The following CNTNAP3B variants were observed in gnomAD, a reference collection of about 807,000 sequenced individuals.
CNTNAP3B encodes the protein contactin associated protein family member 3B.
In CNTNAP3B, 25 loss-of-function variants were observed where a neutral mutation model predicts 108.9. The ratio of observed to expected loss-of-function variants is 0.23; its 90% CI spans 0.17 to 0.32. The LOEUF is 0.32. Ranked by LOEUF, CNTNAP3B falls within the 10% of genes least tolerant of loss-of-function variation. The pLI, the probability that CNTNAP3B is intolerant of heterozygous loss-of-function variation, is 1.00. For synonymous variants in CNTNAP3B, 103 were observed against 473.4 expected, an observed-to-expected ratio of 0.22 and a Z score of 10.16; for missense variants, 252 against 1,210.4, an observed-to-expected ratio of 0.21 and a Z score of 11.75.
intron 1 of CNTNAP3B, among the ~76,000 whole-genome samples, chr9:42,116,807 C>T (rs1439347153): frequency 1.5e-5 from 2 of 136,190 alleles, no homozygotes; most frequent in African/African-American, 3.0e-5. Flanking sequence ...CACATAGGCT[C>T]AAAATAAAGG....
intron 2 of CNTNAP3B, among the ~76,000 whole-genome samples, chr9:42,078,416 C>A (rs1827535913): frequency 7.2e-6 from 1 of 139,372 alleles, no homozygotes. Context: ...AATATTTTTT[C>A]CTCTGAATGT....
At chr9:42,115,128 C>T (rs558458573) in intron 1 of CNTNAP3B, among the ~76,000 whole-genome samples, 1 of 137,742 alleles carries the variant, frequency 7.3e-6, no homozygotes, top group Non-Finnish European at 1.5e-5. Flanking sequence ...GAGTTAAAGC[C>T]CAGAACACAT....
chr9:42,122,024 T>C (rs1439281767), intron 1 of CNTNAP3B, among the ~76,000 whole-genome samples: 2 of 139,982 alleles, frequency 1.4e-5, no homozygotes, highest in Admixed American at 7.1e-5. Flanking sequence ...CACAGATGGA[T>C]GTGTGCACAC....
intron 12 of CNTNAP3B, among the ~76,000 whole-genome samples, chr9:41,958,211 G>C (rs1217547898): frequency 1.6e-4 from 25 of 151,740 alleles, no homozygotes; most frequent in Non-Finnish European, 3.2e-4. Flanking sequence ...AGGCTCAAGC[G>C]ATCCTCCCAC....
intron 9 of CNTNAP3B, among the ~76,000 whole-genome samples, chr9:41,981,896 A>AATC (rs1825635350): frequency 5.0e-5 from 1 of 19,822 alleles, no homozygotes; most frequent in African/African-American, 8.6e-5. Context: ...TACAAACAAT[A>AATC]ATAATAATAA....
At chr9:41,921,762 A>G (rs1823673758) in intron 17 of CNTNAP3B, among the ~76,000 whole-genome samples, 1 of 151,824 alleles carries the variant, frequency 6.6e-6, no homozygotes. Context: ...ACCGGGTTAT[A>G]AACAAGGAGC....
At chr9:42,124,480 A>G (rs1828525242) in intron 1 of CNTNAP3B, among the ~76,000 whole-genome samples, 1 of 136,796 alleles carries the variant, frequency 7.3e-6, no homozygotes, top group South Asian at 2.4e-4. Context: ...AAACAATTCC[A>G]TGCCTTATAT....
intron 3 of CNTNAP3B, among the ~76,000 whole-genome samples, chr9:42,030,116 C>T (rs1826484402): frequency 1.2e-5 from 1 of 80,144 alleles, no homozygotes; most frequent in South Asian, 4.7e-4. Context: ...TGCACTCCAG[C>T]CTGGGCGACA....
At position 41,934,304 on chromosome 9, in the gene CNTNAP3B, C is replaced by T. The variant is rs28719888; in HGVS notation, c.2237+3940G>A. ...TGTGATCTTGACTCACTGTAAGCTCCGCCTTCCAGGTTCATGCCATTCTCC... is the reference window on the plus strand; with the variant it reads ...TGTGATCTTGACTCACTGTAAGCTCTGCCTTCCAGGTTCATGCCATTCTCC... On this transcript the variant is annotated intron_variant, in intron 14 of 23. Coordinates refer to ENST00000377561, the MANE Select transcript of CNTNAP3B (RefSeq NM_001201380.3). 7.9e-5 allele frequency among the ~76,000 whole-genome samples: 12 copies of T among 151,456 alleles called. No individual in the cohort carries two copies. In the East Asian group the frequency reaches 1.7e-3, roughly 22 times the overall value.
chr9:42,039,079 T>A (rs1445412440), intron 3 of CNTNAP3B, among the ~76,000 whole-genome samples: 4 of 152,058 alleles, frequency 2.6e-5, no homozygotes, highest in Non-Finnish European at 4.4e-5. Flanking sequence ...TGGGACACAT[T>A]TAAAGCAGTG....
At chr9:41,942,906 G>T in intron 13 of CNTNAP3B, among the ~76,000 whole-genome samples, 1 of 152,220 alleles carries the variant, frequency 6.6e-6, no homozygotes, top group Non-Finnish European at 1.5e-5. Context: ...TACATTAAAG[G>T]CTTCCTTACC....
Position 41,983,671 on chromosome 9 carries a change from C to T in CNTNAP3B, c.1477+2497G>A, listed in dbSNP as rs2118320882. 2 of 94,882 alleles carry T rather than the reference C, an allele frequency of 2.1e-5. 1 individual carries two copies. The highest frequency in any genetic ancestry group is 6.2e-4 in the South Asian group (2 of 3,242). 5.9% of individuals were successfully genotyped at this position (94,882 alleles called of 1,614,324 possible). On this transcript the variant is annotated intron_variant, in intron 9 of 23. Transcript: ENST00000377561. Reference sequence around the variant, plus strand: ...GATTCCTTAAGCCAACTTCGCTCTTCTGAAAAGGCTGGCGGGCATGGCTGC... The same window carrying T: ...GATTCCTTAAGCCAACTTCGCTCTTTTGAAAAGGCTGGCGGGCATGGCTGC...
At chr9:41,933,711 T>C (rs1374489819) in intron 14 of CNTNAP3B, among the ~76,000 whole-genome samples, 2 of 152,292 alleles carry the variant, frequency 1.3e-5, no homozygotes, top group Non-Finnish European at 2.9e-5. Flanking sequence ...TTATCTACAA[T>C]ATCTGCCAGG....
rs777165246 is a variant in CNTNAP3B, at chr9:42,077,046, G to A, written c.213C>T (p.Thr71=). ...ATTGGTATTTATTTGACACAAGTGG[G>A]GTCCAGCCACCAGCTCCTTTTTTGA... ...LNRRDGAGGW[T]PLVSNKYQWL... is the part of the protein sequence containing the mutation. The change falls in exon 3 of 24, where the codon ACC becomes ACT. Residue 71 remains threonine, a synonymous_variant. Coordinates refer to ENST00000377561, the MANE Select transcript of CNTNAP3B (RefSeq NM_001201380.3). 5.9e-6 allele frequency: 9 copies of A among 1,534,824 alleles called. 1 individual carries two copies. The highest frequency in any genetic ancestry group is 4.8e-5 in the East Asian group (2 of 41,600).
At chr9:42,041,350 C>T (rs1249611510) in intron 3 of CNTNAP3B, among the ~76,000 whole-genome samples, 1 of 150,690 alleles carries the variant, frequency 6.6e-6, no homozygotes, top group Non-Finnish European at 1.5e-5. Flanking sequence ...TGACAAAGGG[C>T]TAATATCCAG....
intron 11 of CNTNAP3B, among the ~76,000 whole-genome samples, chr9:41,962,093 A>G (rs1212002929): frequency 5.9e-5 from 9 of 152,262 alleles, no homozygotes; most frequent in Non-Finnish European, 2.9e-5. Flanking sequence ...ATGATAATGT[A>G]TACATGTATT....
intron 7 of CNTNAP3B, among the ~76,000 whole-genome samples, chr9:41,995,897 A>G (rs1377745304): frequency 2.1e-5 from 3 of 143,682 alleles, no homozygotes; most frequent in African/African-American, 8.0e-5. Context: ...TTAGCTGGGC[A>G]TGGTGGCGGG....
Position 42,046,800 on chromosome 9 carries a change from A to G in CNTNAP3B, c.390+30069T>C, listed in dbSNP as rs1194963931. Among the ~76,000 whole-genome samples, 2 of 96,288 alleles carry G rather than the reference A, an allele frequency of 2.1e-5. 1 individual carries two copies. The highest frequency in any genetic ancestry group is 4.4e-5 in the Non-Finnish European group (2 of 45,466). 63.2% of individuals were successfully genotyped at this position (96,288 alleles called of 152,430 possible). A position where few individuals can be genotyped will look rare whatever the true frequency, so the allele number is the denominator to read the frequency against. Reference sequence around the variant, plus strand: ...ATATTAAAAAATAGGTAATAATGGAAGAAAATGCATTGGGTGGGGGGCTCT... The same window carrying G: ...ATATTAAAAAATAGGTAATAATGGAGGAAAATGCATTGGGTGGGGGGCTCT... On this transcript the variant is annotated intron_variant, in intron 3 of 23. Transcript: ENST00000377561.
rs1170300562 is a variant in CNTNAP3B, at chr9:42,124,497, T to C, written c.85+4513A>G. Among the ~76,000 whole-genome samples the C allele has an allele frequency of 2.2e-5, 3 of 135,082 alleles. 1 individual carries two copies. The highest frequency in any genetic ancestry group is 4.7e-5 in the Non-Finnish European group (3 of 63,988). The allele number at this position is 135,082 out of a possible 152,430, so 88.6% of individuals were successfully genotyped here. On this transcript the variant is annotated intron_variant, in intron 1 of 23. Transcript: ENST00000377561. ...ACAATTCCATGCCTTATATGTCAAG[T>C]GGAAAAGGAATATTTTTTCTACAGT... is the stretch of plus-strand genomic sequence containing the variant.
Sources: allele counts gnomAD v4.1 joint callset (sites outside exome capture counted in the v4.1 genomes callset), GRCh38; gene constraint gnomAD v4.1.1; transcripts MANE v1.5; gene names NCBI Gene and HGNC (gene_info 2026-07-23, HGNC 2026-07-21).